Variants in LGI1 observed in about 807,000 individuals in gnomAD.
The protein encoded by LGI1 is leucine-rich glioma-inactivated protein 1.
Under a neutral mutation model 57.7 loss-of-function variants are expected in LGI1, and 11 were observed. The observed-to-expected ratio is 0.19, with a 90% confidence interval of 0.12 to 0.32. The LOEUF is 0.32. Ranked by LOEUF, LGI1 falls within the 10% of genes least tolerant of loss-of-function variation. The pLI, the probability that LGI1 is intolerant of heterozygous loss-of-function variation, is 1.00. For synonymous variants in LGI1, 222 were observed against 241.9 expected (o/e 0.92, Z 0.76); for missense variants, 422 against 661.9 (o/e 0.64, Z 3.98).
At chr10:93,772,288 G>T (rs927400668) in intron 2 of LGI1, among the ~76,000 whole-genome samples, 2 of 152,100 alleles carry the variant, frequency 1.3e-5, no homozygotes, top group Non-Finnish European at 1.5e-5. Flanking sequence ...AGTTGGACAT[G>T]TAATTTGGTA....
intron 2 of LGI1, chr10:93,764,031 T>C (rs1450260680): frequency 6.6e-6 from 1 of 152,214 alleles, no homozygotes; most frequent in African/African-American, 2.4e-5. Flanking sequence ...ATTGTATAGT[T>C]GCAAGCAGCA....
Position 93,792,839 on chromosome 10 carries a change from C to T in LGI1, c.600C>T (p.Cys200=), listed in dbSNP as rs148862146. ...HTNATVEDIY[C]EGPPEYKKRK... ...ATGCAACTGTTGAAGACATCTACTGCGAAGGCCCCCCAGAATACAAGAAGC... is the reference window on the plus strand; with the variant it reads ...ATGCAACTGTTGAAGACATCTACTGTGAAGGCCCCCCAGAATACAAGAAGC... The change falls in exon 6 of 8, where the codon TGC becomes TGT. Residue 200 remains cysteine, a synonymous_variant. Coordinates refer to ENST00000371418, the MANE Select transcript of LGI1 (RefSeq NM_005097.4). 1.2e-4 allele frequency: 194 copies of T among 1,613,988 alleles called. 1 individual carries two copies. The African/African-American group carries it at 2.1e-3, about 17-fold the overall frequency.
chr10:93,796,904 C>T (rs1422428567), intron 7 of LGI1, 64 bp from the exon 8 acceptor site: 9 of 1,313,730 alleles, frequency 6.9e-6, no homozygotes, highest in South Asian at 3.5e-5. Flanking sequence ...GGCCCCAGCC[C>T]GCATGTTTAC....
chr10:93,781,620 A>C (rs2059848478), intron 4 of LGI1, among the ~76,000 whole-genome samples: 1 of 152,184 alleles, frequency 6.6e-6, no homozygotes, highest in Non-Finnish European at 1.5e-5. Flanking sequence ...ATATTTTAGT[A>C]ATCTTTTGTA....
At position 93,785,102 on chromosome 10, in the gene LGI1, G is replaced by T. The variant is rs563156551; in HGVS notation, c.432-4997G>T. On this transcript the variant is annotated intron_variant, in intron 4 of 7. Coordinates refer to ENST00000371418, the MANE Select transcript of LGI1 (RefSeq NM_005097.4). ...GTGCATATGTAGTGTGTGTATATGT[G>T]TGTGTGTGTATCAATAAAAGTAAAA... 2.6e-5 allele frequency among the ~76,000 whole-genome samples: 4 copies of T among 152,264 alleles called. No homozygotes were observed. The South Asian group carries it at 8.3e-4, about 32-fold the overall frequency.
In LGI1 at chr10:93,758,546, C is replaced by T; in HGVS notation, c.215+187C>T. 1 of 711,680 alleles carries T rather than the reference C, an allele frequency of 1.4e-6. No individual in the cohort carries two copies. The highest frequency in any genetic ancestry group is 2.4e-6 in the Non-Finnish European group (1 of 413,644). The allele number at this position is 711,680 out of a possible 1,614,324, so 44.1% of individuals were successfully genotyped here. ...ATTTTTTTAGCTGCTACTGAACATGCTTAGATACCCCCAGCCCTGAACATT... is the reference window on the plus strand; with the variant it reads ...ATTTTTTTAGCTGCTACTGAACATGTTTAGATACCCCCAGCCCTGAACATT... On this transcript the variant is annotated intron_variant, in intron 1 of 7. Transcript: ENST00000371418. This position sits in a 1 kb window ranked among gnomAD's most constrained non-coding sequence, Gnocchi z 4.7.
intron 7 of LGI1, among the ~76,000 whole-genome samples, chr10:93,794,362 C>CTTTTTTT (rs71031540): frequency 3.0e-4 from 30 of 101,180 alleles, no homozygotes; most frequent in Middle Eastern, 0.013. Context: ...CTGGATCTCT[C>CTTTTTTT]TTTTTTTTTT....
Position 93,790,319 on chromosome 10 carries a change from T to G in LGI1, c.503+149T>G, listed in dbSNP as rs953560006. 2.1e-5 allele frequency: 14 copies of G among 681,334 alleles called. No homozygotes were observed. In the South Asian group the frequency reaches 2.2e-4, roughly 11 times the overall value. 42.2% of individuals were successfully genotyped at this position (681,334 alleles called of 1,614,324 possible). A position where few individuals can be genotyped will look rare whatever the true frequency, so the allele number is the denominator to read the frequency against. ...ATTTTAACTGGCCAAAAATTTAAAT[T>G]TACATGGACTAACATTTGAGTCTTC... On this transcript the variant is annotated intron_variant, in intron 5 of 7. Coordinates refer to ENST00000371418, the MANE Select transcript of LGI1 (RefSeq NM_005097.4).
chr10:93,798,014 T>TA lies in LGI1; in HGVS notation c.*213dup, dbSNP rs2134027463. ...TTTTATAAGACAAAATTTAATTGTG[T>TA]AACTGTTCTTTGCAGTGAAGATGTG... On this transcript the variant is annotated 3_prime_UTR_variant, in exon 8 of 8. Coordinates refer to ENST00000371418, the MANE Select transcript of LGI1 (RefSeq NM_005097.4). 1 of 598,550 alleles carries TA rather than the reference T, an allele frequency of 1.7e-6. No homozygotes were observed. The highest frequency in any genetic ancestry group is 2.8e-5 in the East Asian group (1 of 35,414). 37.1% of individuals were successfully genotyped at this position (598,550 alleles called of 1,614,324 possible).
intron 5 of LGI1, chr10:93,792,528 G>A: frequency 1.6e-6 from 1 of 617,250 alleles, no homozygotes. Context: ...GGGAGTAAGT[G>A]ATGAGGTTCC....
intron 4 of LGI1, among the ~76,000 whole-genome samples, chr10:93,780,752 A>G (rs1452556692): frequency 1.3e-5 from 2 of 152,340 alleles, no homozygotes; most frequent in East Asian, 3.9e-4. Flanking sequence ...CCGCAGGACC[A>G]GATAGCTTTT....
chr10:93,772,438 T>C (rs901074237), intron 2 of LGI1, among the ~76,000 whole-genome samples: 1 of 152,184 alleles, frequency 6.6e-6, no homozygotes, highest in Admixed American at 6.5e-5. Flanking sequence ...GTTATAATCA[T>C]GTTTATAATA....
At chr10:93,786,950 A>T (rs1444677517) in intron 4 of LGI1, among the ~76,000 whole-genome samples, 2 of 152,142 alleles carry the variant, frequency 1.3e-5, no homozygotes, top group African/African-American at 2.4e-5. Flanking sequence ...TGCTTTCCTA[A>T]GTCGTTCTCT....
In LGI1 at chr10:93,760,786, C is replaced by T. The variant is rs191914915; in HGVS notation, c.287+1955C>T. Among the ~76,000 whole-genome samples the T allele has an allele frequency of 1.5e-3, 227 of 152,322 alleles. 1 individual carries two copies. Among genetic ancestry groups the T allele is most frequent in the African/African-American group, 4.9e-3 (203 of 41,566 alleles). ...AGCCCAACCGAGTGTGTGCCATGCC[C>T]GTGCCCCATGCTCCGAGTTCCTATG... On this transcript the variant is annotated intron_variant, in intron 2 of 7. Transcript: ENST00000371418.
intron 4 of LGI1, among the ~76,000 whole-genome samples, chr10:93,787,959 C>A (rs1348785875): frequency 2.0e-5 from 3 of 151,854 alleles, no homozygotes; most frequent in African/African-American, 7.3e-5. Flanking sequence ...AAGCATGGTG[C>A]CTTCTCCTGT....
In LGI1 at chr10:93,758,854, CTA is replaced by C. The variant is rs1564837135; in HGVS notation, c.287+25_287+26del. 2.0e-6 allele frequency: 3 copies of C among 1,532,710 alleles called. No individual in the cohort carries two copies. Among genetic ancestry groups the C allele is most frequent in the East Asian group, 4.5e-5 (2 of 44,510 alleles). The allele number at this position is 1,532,710 out of a possible 1,614,324, so 94.9% of individuals were successfully genotyped here. On this transcript the variant is annotated intron_variant, in intron 2 of 7. Coordinates refer to ENST00000371418, the MANE Select transcript of LGI1 (RefSeq NM_005097.4). The surrounding 1 kb of genome is among the most constrained non-coding windows in gnomAD (Gnocchi z 4.7). ...CTTGTGAGAAATATTTATATCATGACTATTTTTAATATGGCATATATTTGGAT... is the reference window on the plus strand; with the variant it reads ...CTTGTGAGAAATATTTATATCATGACTTTTTAATATGGCATATATTTGGAT...
intron 5 of LGI1, chr10:93,792,494 A>G (rs1468668193): frequency 3.5e-6 from 2 of 567,712 alleles, no homozygotes; most frequent in African/African-American, 1.9e-5. Flanking sequence ...ACAGCCCTAG[A>G]CTAAGCCGCT....
intron 4 of LGI1, among the ~76,000 whole-genome samples, chr10:93,779,759 G>A (rs1397245851): frequency 6.6e-6 from 1 of 152,126 alleles, no homozygotes; most frequent in Non-Finnish European, 1.5e-5. Context: ...TCAGGTTCGA[G>A]GAACACCAAG....
intron 6 of LGI1, 54 bp downstream of exon 6, chr10:93,792,966 T>C: frequency 6.5e-7 from 1 of 1,546,854 alleles, no homozygotes; most frequent in Non-Finnish European, 8.9e-7. Context: ...GGCTACCTTT[T>C]TTTTTCATGT....
Sources: allele counts gnomAD v4.1 joint callset (sites outside exome capture counted in the v4.1 genomes callset), GRCh38; gene constraint gnomAD v4.1.1; non-coding constraint Gnocchi (gnomAD v3.1); transcripts MANE v1.5; gene names NCBI Gene and HGNC (gene_info 2026-07-23, HGNC 2026-07-21).